The following CNTNAP5 variants were observed in gnomAD, a reference collection of about 807,000 sequenced individuals.
CNTNAP5 encodes contactin-associated protein-like 5.
In CNTNAP5, 72 loss-of-function variants were observed where a neutral mutation model predicts 150.2. The observed-to-expected ratio is 0.48, with a 90% confidence interval of 0.40 to 0.58. The LOEUF (loss-of-function observed/expected upper bound fraction) is 0.58. Ranked by LOEUF, CNTNAP5 falls within the 20% of genes least tolerant of loss-of-function variation. The pLI, the probability that CNTNAP5 is intolerant of heterozygous loss-of-function variation, is 0.00. For synonymous variants in CNTNAP5, 672 were observed against 619.8 expected (o/e 1.08, Z -1.25); for missense variants, 1,636 against 1,626.2 (o/e 1.01, Z -0.10).
At chr2:124,893,437 G>A (rs937786647) in intron 21 of CNTNAP5, among the ~76,000 whole-genome samples, 3 of 152,090 alleles carry the variant, frequency 2.0e-5, no homozygotes, top group Admixed American at 6.6e-5. Context: ...TAAGAACTAT[G>A]GTAGTTCCAT....
intron 3 of CNTNAP5, among the ~76,000 whole-genome samples, chr2:124,305,948 C>A (rs1688680480): frequency 6.6e-6 from 1 of 152,148 alleles, no homozygotes; most frequent in South Asian, 2.1e-4. Flanking sequence ...CTATATATGT[C>A]TCTGCTCAGT....
chr2:124,362,759 A>C (rs1177058281), intron 3 of CNTNAP5, among the ~76,000 whole-genome samples: 2 of 152,180 alleles, frequency 1.3e-5, no homozygotes, highest in Non-Finnish European at 2.9e-5. Context: ...ACCTTTGAAG[A>C]GTTCAGTTCC....
intron 1 of CNTNAP5, among the ~76,000 whole-genome samples, chr2:124,079,244 A>G (rs1380592382): frequency 6.6e-6 from 1 of 152,240 alleles, no homozygotes; most frequent in East Asian, 1.9e-4. Flanking sequence ...GAGAGCACTC[A>G]GCCAGTAATT....
chr2:124,044,889 A>AAC (rs147761848), intron 1 of CNTNAP5, among the ~76,000 whole-genome samples: 13,316 of 143,888 alleles, frequency 0.093, 705 homozygotes, highest in East Asian at 0.15. Context: ...GTAGTGAGGA[A>AAC]ACACACACAC....
rs1558743370 is a variant in CNTNAP5, at chr2:124,706,943, G to GAAGA, written c.2078-40285_2078-40284insAGAA. Among the ~76,000 whole-genome samples, 24 of 75,214 alleles carry GAAGA rather than the reference G, an allele frequency of 3.2e-4. 3 individuals carry two copies. Among genetic ancestry groups the GAAGA allele is most frequent in the African/African-American group, 1.1e-3 (21 of 19,684 alleles). The allele number at this position is 75,214 out of a possible 152,430, so 49.3% of individuals were successfully genotyped here. ...GAAGAAGAAGAAGAAGAAGAAGAAG[G>GAAGA]AGGAGGAGGAGGAGGAGGAGGAGAA... On this transcript the variant is annotated intron_variant, in intron 13 of 23. Transcript: ENST00000682447.
At chr2:124,470,716 C>G (rs528527990) in intron 6 of CNTNAP5, among the ~76,000 whole-genome samples, 1 of 152,194 alleles carries the variant, frequency 6.6e-6, no homozygotes, top group African/African-American at 2.4e-5. Context: ...ACATTTAAGT[C>G]TTTAATCCAT....
chr2:124,574,196 G>T (rs1415308856), intron 11 of CNTNAP5, among the ~76,000 whole-genome samples: 2 of 152,098 alleles, frequency 1.3e-5, no homozygotes, highest in Admixed American at 6.5e-5. Context: ...CAGGTTGCGG[G>T]GGGGACGGGG....
chr2:124,541,859 T>A (rs2104906982), intron 10 of CNTNAP5, among the ~76,000 whole-genome samples: 1 of 152,268 alleles, frequency 6.6e-6, no homozygotes, highest in South Asian at 2.1e-4. Flanking sequence ...AGAAGAGGTC[T>A]CAAGGGTGAA....
intron 8 of CNTNAP5, among the ~76,000 whole-genome samples, chr2:124,521,382 A>C (rs552246362): frequency 2.6e-5 from 4 of 152,314 alleles, no homozygotes; most frequent in African/African-American, 9.6e-5. Context: ...GCAGACCAAA[A>C]AATAAAAAGA....
At position 124,609,717 on chromosome 2, in the gene CNTNAP5, A is replaced by C. The variant is rs144918026; in HGVS notation, c.1757-84A>C. 135 of 1,466,118 alleles carry C rather than the reference A, an allele frequency of 9.2e-5. No individual in the cohort carries two copies. The African/African-American group carries it at 1.8e-3, about 20-fold the overall frequency. The allele number at this position is 1,466,118 out of a possible 1,614,324, so 90.8% of individuals were successfully genotyped here. On this transcript the variant is annotated intron_variant, in intron 11 of 23. Transcript: ENST00000682447. ...GGAGGGAAATGAATACACATAGAGC[A>C]AATCTAAGTAGGAGTTACTGATTCC...
At chr2:124,544,057 G>C (rs1265238332) in intron 10 of CNTNAP5, among the ~76,000 whole-genome samples, 1 of 151,904 alleles carries the variant, frequency 6.6e-6, no homozygotes, top group African/African-American at 2.4e-5. Flanking sequence ...GAGGTTCACA[G>C]GTATGAAATT....
At position 124,860,251 on chromosome 2, in the gene CNTNAP5, A is replaced by G. The variant is rs917477538; in HGVS notation, c.3218-5055A>G. Among the ~76,000 whole-genome samples, 76 of 151,794 alleles carry G rather than the reference A, an allele frequency of 5.0e-4. 1 individual carries two copies. Among genetic ancestry groups the G allele is most frequent in the Admixed American group, 4.7e-3 (72 of 15,258 alleles). ...TGTAGTCCCAGCTACTCAGGAGGCT[A>G]AGGCAGGAGAATGGTGTGAACCCGG... is the stretch of plus-strand genomic sequence containing the variant. On this transcript the variant is annotated intron_variant, in intron 19 of 23. Coordinates refer to ENST00000682447, the MANE Select transcript of CNTNAP5 (RefSeq NM_001367498.1).
chr2:124,287,321 G>A (rs1189574648), intron 3 of CNTNAP5, among the ~76,000 whole-genome samples: 2 of 152,156 alleles, frequency 1.3e-5, no homozygotes, highest in Non-Finnish European at 2.9e-5. Flanking sequence ...CAAGGACTTA[G>A]GCCAGTATGC....
At chr2:124,314,624 T>C (rs3738860) in intron 3 of CNTNAP5, among the ~76,000 whole-genome samples, 10,281 of 152,250 alleles carry the variant, frequency 0.068, 418 homozygotes, top group Non-Finnish European at 0.091. Context: ...TGTTTTCGTT[T>C]AGAAATATAA....
intron 10 of CNTNAP5, among the ~76,000 whole-genome samples, chr2:124,558,396 G>T (rs1233690897): frequency 6.6e-6 from 1 of 152,172 alleles, no homozygotes; most frequent in Non-Finnish European, 1.5e-5. Flanking sequence ...AGGTAAAGCA[G>T]GTGGTGGGGG....
In CNTNAP5 at chr2:124,038,953, C is replaced by G. The variant is rs991791878; in HGVS notation, c.82+13221C>G. Among the ~76,000 whole-genome samples, 17 of 152,122 alleles carry G rather than the reference C, an allele frequency of 1.1e-4. 1 individual carries two copies. The highest frequency in any genetic ancestry group is 4.1e-4 in the African/African-American group (17 of 41,416). ...CCACCTGCCTCTGCTTGTATTGGTCCGGGAGCTGATGTCCAGGCTGGGAAA... is the reference window on the plus strand; with the variant it reads ...CCACCTGCCTCTGCTTGTATTGGTCGGGGAGCTGATGTCCAGGCTGGGAAA... On this transcript the variant is annotated intron_variant, in intron 1 of 23. Transcript: ENST00000682447.
intron 1 of CNTNAP5, among the ~76,000 whole-genome samples, chr2:124,177,611 T>C (rs971417252): frequency 2.0e-5 from 3 of 152,134 alleles, no homozygotes; most frequent in Non-Finnish European, 4.4e-5. Flanking sequence ...AACAGATACA[T>C]GAATGTATGA....
At chr2:124,685,304 A>G (rs945797105) in intron 13 of CNTNAP5, among the ~76,000 whole-genome samples, 1 of 152,096 alleles carries the variant, frequency 6.6e-6, no homozygotes, top group Non-Finnish European at 1.5e-5. Flanking sequence ...CTTCTCCACT[A>G]TTTTGGAGGC....
At chr2:124,697,005 G>A (rs1679418694) in intron 13 of CNTNAP5, among the ~76,000 whole-genome samples, 1 of 152,084 alleles carries the variant, frequency 6.6e-6, no homozygotes, top group African/African-American at 2.4e-5. Context: ...CAGTGTCTCA[G>A]GAAGGTTAAT....
Sources: allele counts gnomAD v4.1 joint callset (sites outside exome capture counted in the v4.1 genomes callset), GRCh38; gene constraint gnomAD v4.1.1; transcripts MANE v1.5; gene names NCBI Gene and HGNC (gene_info 2026-07-23, HGNC 2026-07-21).